ATOSB: variants seen among roughly 807,000 people sequenced by gnomAD.
ATOSB encodes the protein atos homolog protein B.
chr9:35,115,952 G>C, the ATOSB span: 1 of 147,804 alleles, frequency 6.8e-6, no homozygotes, highest in Non-Finnish European at 1.5e-5. Context: ...CCTCTCCCTT[G>C]TCCCACCTTC....
chr9:35,106,512 C>G, the ATOSB span: 3 of 1,591,766 alleles, frequency 1.9e-6, no homozygotes, highest in South Asian at 2.3e-5. This position sits in a 1 kb window ranked among gnomAD's most constrained non-coding sequence, Gnocchi z 4.6. Context: ...AGGACCCCGG[C>G]AATCACAAAC....
At chr9:35,112,785 A>G in the ATOSB span, among the ~76,000 whole-genome samples, 3 of 152,120 alleles carry the variant, frequency 2.0e-5, no homozygotes, top group African/African-American at 7.2e-5. Flanking sequence ...TCTACAGTTC[A>G]GAGGCCACAG....
chr9:35,113,845 C>T, the ATOSB span, among the ~76,000 whole-genome samples: 2 of 151,936 alleles, frequency 1.3e-5, no homozygotes, highest in South Asian at 4.1e-4. Context: ...TTCCCAGAGC[C>T]AACATTAGTC....
chr9:35,110,672 T>G, the ATOSB span: 3 of 152,264 alleles, frequency 2.0e-5, no homozygotes, highest in Non-Finnish European at 2.9e-5. Flanking sequence ...TGGCAAGGAC[T>G]ACAGCTCCCA....
the ATOSB span, chr9:35,106,715 C>T: frequency 1.4e-6 from 2 of 1,457,560 alleles, no homozygotes; most frequent in African/African-American, 1.4e-5. This position sits in a 1 kb window ranked among gnomAD's most constrained non-coding sequence, Gnocchi z 4.6. Flanking sequence ...CCTTGGACTC[C>T]ACCCTCTGCC....
At chr9:35,108,282 C>T in the ATOSB span, 10 of 1,536,826 alleles carry the variant, frequency 6.5e-6, no homozygotes, top group African/African-American at 1.4e-4. Flanking sequence ...CATGAAGCCC[C>T]CCTTGGGTCA....
the ATOSB span, chr9:35,105,757 A>G: frequency 1.2e-6 from 2 of 1,613,924 alleles, no homozygotes; most frequent in African/African-American, 2.7e-5. This position sits in a 1 kb window ranked among gnomAD's most constrained non-coding sequence, Gnocchi z 5.5. Context: ...CACCAAAAAG[A>G]GGCGATGGCG....
the ATOSB span, chr9:35,108,188 C>T: frequency 1.3e-6 from 2 of 1,597,674 alleles, no homozygotes; most frequent in Non-Finnish European, 1.7e-6. Flanking sequence ...GCAGGCCACC[C>T]TGGAGGGCCC....
chr9:35,108,600 G>A, the ATOSB span: 2 of 1,110,826 alleles, frequency 1.8e-6, no homozygotes, highest in African/African-American at 3.3e-5. Flanking sequence ...TTACCCCGAT[G>A]AAGAGGCCTC....
the ATOSB span, chr9:35,108,103 C>T: frequency 2.6e-6 from 4 of 1,551,412 alleles, no homozygotes; most frequent in East Asian, 9.1e-5. Flanking sequence ...TCAGAGGTAC[C>T]AGCCGGAGGG....
chr9:35,108,825 G>T, the ATOSB span: 1 of 293,130 alleles, frequency 3.4e-6, no homozygotes, highest in Non-Finnish European at 5.1e-6. Flanking sequence ...TACACTCCAG[G>T]ACATCCTTCT....
At chr9:35,108,529 A>C in the ATOSB span, 31 of 1,227,390 alleles carry the variant, frequency 2.5e-5, no homozygotes, top group African/African-American at 2.7e-4. Flanking sequence ...AACTCCTGAG[A>C]GGGTGACAGG....
chr9:35,111,733 G>A, the ATOSB span: 6 of 152,524 alleles, frequency 3.9e-5, no homozygotes, highest in African/African-American at 1.2e-4. Flanking sequence ...TCAAGTGCGA[G>A]GCACGCCCCC....
At chr9:35,107,889 C>A in the ATOSB span, 1 of 1,594,140 alleles carries the variant, frequency 6.3e-7, no homozygotes. Flanking sequence ...GACACTACTT[C>A]TCTGTTCCAC....
the ATOSB span, chr9:35,105,646 T>G: frequency 1.2e-6 from 2 of 1,601,952 alleles, no homozygotes; most frequent in Non-Finnish European, 1.7e-6. This position sits in a 1 kb window ranked among gnomAD's most constrained non-coding sequence, Gnocchi z 5.5. Context: ...AGGGGATACC[T>G]GGGCCTCCCC....
the ATOSB span, chr9:35,106,834 G>A: frequency 6.4e-7 from 1 of 1,568,242 alleles, no homozygotes. This position sits in a 1 kb window ranked among gnomAD's most constrained non-coding sequence, Gnocchi z 4.6. Context: ...GTCACTTACA[G>A]CTTCAGGCGA....
the ATOSB span, among the ~76,000 whole-genome samples, chr9:35,114,679 C>T: frequency 6.6e-6 from 1 of 152,184 alleles, no homozygotes; most frequent in African/African-American, 2.4e-5. Context: ...ACCTCACAAC[C>T]CTTACTGGGT....
chr9:35,105,267 G>C, the ATOSB span: 1 of 1,614,104 alleles, frequency 6.2e-7, no homozygotes, highest in African/African-American at 1.3e-5. The surrounding 1 kb of genome is among the most constrained non-coding windows in gnomAD (Gnocchi z 5.5). Context: ...CTCGGTCACA[G>C]CCTGCAGTTC....
the ATOSB span, chr9:35,104,525 C>G: frequency 4.6e-6 from 1 of 215,128 alleles, no homozygotes; most frequent in Non-Finnish European, 1.1e-5. Context: ...GTGGTTAACC[C>G]CTGTGTGTGT....
Sources: allele counts gnomAD v4.1 joint callset (sites outside exome capture counted in the v4.1 genomes callset), GRCh38; gene constraint gnomAD v4.1.1; non-coding constraint Gnocchi (gnomAD v3.1); transcripts MANE v1.5; gene names NCBI Gene and HGNC (gene_info 2026-07-23, HGNC 2026-07-21).